CLCF1: variants seen among roughly 807,000 people sequenced by gnomAD.
CLCF1 encodes the protein cardiotrophin-like cytokine factor 1.
Under a neutral mutation model 21.2 loss-of-function variants are expected in CLCF1, and 10 were observed. The observed-to-expected ratio is 0.47, with a 90% CI of 0.29 to 0.80. The LOEUF (loss-of-function observed/expected upper bound fraction) is 0.80, where lower values mean the gene tolerates loss of function less well. CLCF1 is among the 30% of genes least tolerant of loss of function. The pLI, the probability that CLCF1 is intolerant of heterozygous loss-of-function variation, is 0.09. For synonymous variants in CLCF1, 115 were observed against 120.5 expected (o/e 0.95, Z 0.30); for missense variants, 240 against 293.4 (o/e 0.82, Z 1.33).
At position 67,367,481 on chromosome 11, in the gene CLCF1, G is replaced by A; in HGVS notation, c.162C>T (p.Leu54=). 9.3e-6 allele frequency: 15 copies of A among 1,614,248 alleles called. No individual in the cohort carries two copies. Among genetic ancestry groups the A allele is most frequent in the Non-Finnish European group, 1.2e-5 (14 of 1,180,042 alleles). ...YDLTRYLEHQ[L]RSLAGTYLNY... ...TCACATAGGTCCCAGCCAAGCTGCGGAGTTGGTGCTCCAGGTAGCGGGTGA... is the reference window on the plus strand; with the variant it reads ...TCACATAGGTCCCAGCCAAGCTGCGAAGTTGGTGCTCCAGGTAGCGGGTGA... Residue 54 remains leucine (L), a synonymous_variant, in exon 2 of 3, where the codon CTC becomes CTT. Coordinates refer to ENST00000312438, the MANE Select transcript of CLCF1 (RefSeq NM_013246.3).
At position 67,365,259 on chromosome 11, in the gene CLCF1, G is replaced by C; in HGVS notation, c.555C>G (p.Phe185Leu). 6.2e-7 allele frequency: 1 copy of C among 1,614,034 alleles called. No individual in the cohort carries two copies. Among genetic ancestry groups the C allele is most frequent in the Non-Finnish European group, 8.5e-7 (1 of 1,180,042 alleles). ...HSDFLQKMDD[F>L]WLLKELQTWL... is the part of the protein sequence containing the mutation. The stretch of plus-strand genomic sequence containing the variant: ...AGGTCTGCAGCTCCTTCAGCAGCCA[G>C]AAGTCGTCCATCTTCTGGAGGAAGT... The change falls in exon 3 of 3, where the codon TTC becomes TTG. Residue 185 changes from phenylalanine to leucine, a missense_variant. By Grantham distance (22) the Phe-to-Leu change is conservative. Coordinates refer to ENST00000312438, the MANE Select transcript of CLCF1 (RefSeq NM_013246.3). The surrounding 1 kb of genome is among the most constrained non-coding windows in gnomAD (Gnocchi z 5.0).
rs1452465360 is a variant in CLCF1, at chr11:67,370,335, G to T, written c.17-2709C>A. 27 of 985,162 alleles carry T rather than the reference G, an allele frequency of 2.7e-5. No homozygotes were observed. In the South Asian group the frequency reaches 1.3e-3, roughly 46 times the overall value. 61.0% of individuals were successfully genotyped at this position (985,162 alleles called of 1,614,324 possible). On this transcript the variant is annotated intron_variant, in intron 1 of 2. Coordinates refer to ENST00000312438, the MANE Select transcript of CLCF1 (RefSeq NM_013246.3). ...ATCCATCCTCCCTCAGGCTCATGTT[G>T]TGCAGGTGGACCCCGGCCACTGGGG...
At chr11:67,369,236 A>G in intron 1 of CLCF1, 2 of 984,906 alleles carry the variant, frequency 2.0e-6, no homozygotes, top group Non-Finnish European at 2.4e-6. Flanking sequence ...GTCAGTCTGG[A>G]CTCTTTCAGA....
In CLCF1 at chr11:67,367,568, C is replaced by A. The variant is rs753589757; in HGVS notation, c.75G>T (p.Val25=). Residue 25 remains valine, a synonymous_variant, in exon 2 of 3, where the codon GTG becomes GTT. Transcript: ENST00000312438. ...LCTVLWHLPA[V]PALNRTGDPG... Reference sequence around the variant, plus strand: ...GGTCCCCTGTGCGATTGAGAGCTGGCACTGCAGGGAGGTGCCAGAGCACCG... The same window carrying A: ...GGTCCCCTGTGCGATTGAGAGCTGGAACTGCAGGGAGGTGCCAGAGCACCG... 3 of 1,613,750 alleles carry A rather than the reference C, an allele frequency of 1.9e-6. No individual in the cohort carries two copies. The African/African-American group carries it at 4.0e-5, about 22-fold the overall frequency.
At chr11:67,367,948 A>C in intron 1 of CLCF1, 1 of 984,732 alleles carries the variant, frequency 1.0e-6, no homozygotes. Flanking sequence ...ATGTGTGTAC[A>C]TGGAGGGACG....
chr11:67,368,449 G>A, intron 1 of CLCF1: 1 of 985,352 alleles, frequency 1.0e-6, no homozygotes, highest in Non-Finnish European at 1.2e-6. Context: ...TGATGGCACT[G>A]CAGAGTTTGG....
chr11:67,365,052 C>T lies in CLCF1; in HGVS notation c.*84G>A. 3.7e-6 allele frequency: 6 copies of T among 1,601,256 alleles called. No individual in the cohort carries two copies. Among genetic ancestry groups the T allele is most frequent in the South Asian group, 2.2e-5 (2 of 89,966 alleles). ...GAGGCTCACAGCTTCTGTCTCCTGG[C>T]TCAACAGGTGTTGGCATACAGGGCT... On this transcript the variant is annotated 3_prime_UTR_variant, in exon 3 of 3. Coordinates refer to ENST00000312438, the MANE Select transcript of CLCF1 (RefSeq NM_013246.3). The surrounding 1 kb of genome is among the most constrained non-coding windows in gnomAD (Gnocchi z 5.0).
At chr11:67,373,910 GCCATCAGT>G, upstream of CLCF1, 4 of 946,934 alleles carry the variant, frequency 4.2e-6, no homozygotes, top group Non-Finnish European at 5.2e-6. Flanking sequence ...GGGCGGGGAG[GCCATCAGT>G]CCGTCTGAGG....
At chr11:67,371,723 A>G (rs1404649618) in intron 1 of CLCF1, among the ~76,000 whole-genome samples, 3 of 150,586 alleles carry the variant, frequency 2.0e-5, no homozygotes, top group Non-Finnish European at 3.0e-5. Context: ...TGAATTGGAA[A>G]GGGTGTTGTT....
chr11:67,367,720 T>G, intron 1 of CLCF1, 94 bp from the exon 2 acceptor site: 5 of 1,518,884 alleles, frequency 3.3e-6, no homozygotes, highest in Non-Finnish European at 2.6e-6. Flanking sequence ...CACCTTGGGC[T>G]GGGTGGGGGG....
chr11:67,367,754 G>A, intron 1 of CLCF1, 128 bp from the exon 2 acceptor site: 1 of 1,518,318 alleles, frequency 6.6e-7, no homozygotes, highest in Non-Finnish European at 8.8e-7. Flanking sequence ...CCAGATGGGA[G>A]GCAGAGGGGA....
Position 67,365,241 on chromosome 11 carries a change from C to T in CLCF1, c.573G>A (p.Leu191=). 1 of 1,614,040 alleles carries T rather than the reference C, an allele frequency of 6.2e-7. No individual in the cohort carries two copies. The highest frequency in any genetic ancestry group is 8.5e-7 in the Non-Finnish European group (1 of 1,180,036). ...TGGCCGAGCGCCACAGCCAGGTCTG[C>T]AGCTCCTTCAGCAGCCAGAAGTCGT... ...KMDDFWLLKE[L]QTWLWRSAKD... is the part of the protein sequence containing the mutation. Residue 191 remains leucine (L), a synonymous_variant, in exon 3 of 3, where the codon CTG becomes CTA. Coordinates refer to ENST00000312438, the MANE Select transcript of CLCF1 (RefSeq NM_013246.3). The surrounding 1 kb of genome is among the most constrained non-coding windows in gnomAD (Gnocchi z 5.0).
In CLCF1 at chr11:67,365,022, G is replaced by A; in HGVS notation, c.*114C>T. ...CACACGCCCAGCCGGTCCAGGAAAG[G>A]GCCAGAGGCTCACAGCTTCTGTCTC... On this transcript the variant is annotated 3_prime_UTR_variant, in exon 3 of 3. Transcript: ENST00000312438. This position sits in a 1 kb window ranked among gnomAD's most constrained non-coding sequence, Gnocchi z 5.0. 6.4e-7 allele frequency: 1 copy of A among 1,558,480 alleles called. No individual in the cohort carries two copies. The highest frequency in any genetic ancestry group is 8.7e-7 in the Non-Finnish European group (1 of 1,151,624).
At chr11:67,369,564 A>T in intron 1 of CLCF1, 1 of 985,384 alleles carries the variant, frequency 1.0e-6, no homozygotes, top group Non-Finnish European at 1.2e-6. Context: ...CACCTCTAGG[A>T]TCCTATGGGT....
chr11:67,369,008 T>C (rs1247266299), intron 1 of CLCF1: 1 of 984,258 alleles, frequency 1.0e-6, no homozygotes, highest in Non-Finnish European at 1.2e-6. Context: ...CATAGGTTGC[T>C]TTGATAGGCA....
In CLCF1 at chr11:67,370,395, A is replaced by G. The variant is rs924638249; in HGVS notation, c.17-2769T>C. On this transcript the variant is annotated intron_variant, in intron 1 of 2. Coordinates refer to ENST00000312438, the MANE Select transcript of CLCF1 (RefSeq NM_013246.3). ...AGGTCCCCCTCTCCCCCTCCCCACC[A>G]GTCCTGGCCCCCAGCCCGGCCCCCG... The G allele has an allele frequency of 5.9e-5, 33 of 558,662 alleles. No individual in the cohort carries two copies. In the Admixed American group the frequency reaches 3.4e-3, roughly 57 times the overall value. 34.6% of individuals were successfully genotyped at this position (558,662 alleles called of 1,614,324 possible).
chr11:67,372,657 C>T lies in CLCF1; in HGVS notation c.16+867G>A, dbSNP rs1862264434. Among the ~76,000 whole-genome samples the T allele has an allele frequency of 6.8e-6, 1 of 147,880 alleles. No individual in the cohort carries two copies. Among genetic ancestry groups the T allele is most frequent in the Non-Finnish European group, 1.5e-5 (1 of 66,572 alleles). Reference sequence around the variant, plus strand: ...GGGGGCGGGGGCGGGGTCCGGGGCACCGGGCTCCGGGCTCTGCCCGGCGCT... The same window carrying T: ...GGGGGCGGGGGCGGGGTCCGGGGCATCGGGCTCCGGGCTCTGCCCGGCGCT... On this transcript the variant is annotated intron_variant, in intron 1 of 2. Coordinates refer to ENST00000312438, the MANE Select transcript of CLCF1 (RefSeq NM_013246.3). The surrounding 1 kb of genome is among the most constrained non-coding windows in gnomAD (Gnocchi z 5.9).
upstream of CLCF1, chr11:67,374,086 C>T: frequency 1.0e-6 from 1 of 985,402 alleles, no homozygotes; most frequent in Middle Eastern, 5.2e-4. Flanking sequence ...CCTACCTCTG[C>T]CTCCTCATCT....
chr11:67,369,554 C>T, intron 1 of CLCF1: 1 of 985,412 alleles, frequency 1.0e-6, no homozygotes, highest in Non-Finnish European at 1.2e-6. Context: ...ATCTGGCAGT[C>T]ACCTCTAGGA....
Sources: allele counts gnomAD v4.1 joint callset (sites outside exome capture counted in the v4.1 genomes callset), GRCh38; gene constraint gnomAD v4.1.1; non-coding constraint Gnocchi (gnomAD v3.1); transcripts MANE v1.5; gene names NCBI Gene and HGNC (gene_info 2026-07-23, HGNC 2026-07-21).